Variants in RBKS observed in about 807,000 individuals in gnomAD.
RBKS encodes the protein ribokinase.
In RBKS, 33 loss-of-function variants were observed where a neutral mutation model predicts 33.9. That is an observed-to-expected ratio of 0.97 (90% CI 0.74 to 1.30). The LOEUF is 1.30. RBKS is among the 50% of genes most tolerant of loss of function. The probability of loss-of-function intolerance (pLI) is 0.00; values close to 1 mark genes in which losing one functional copy is unlikely to be tolerated. For missense variants in RBKS, 361 were observed against 392.6 expected (o/e 0.92, Z 0.68); for synonymous variants, 125 against 143.0 (o/e 0.87, Z 0.90).
intron 2 of RBKS, among the ~76,000 whole-genome samples, chr2:27,851,980 G>GA (rs771718268): frequency 8.5e-5 from 13 of 152,208 alleles, no homozygotes; most frequent in Non-Finnish European, 1.8e-4. Context: ...CTTTTGGGTA[G>GA]AAAGATTCTT....
At chr2:27,842,996 T>C (rs1480935849) in intron 5 of RBKS, 71 bp downstream of exon 5, 5 of 1,212,108 alleles carry the variant, frequency 4.1e-6, no homozygotes, top group Non-Finnish European at 4.5e-6. Flanking sequence ...TTTGCTTAAC[T>C]TAAAAGGTTA....
intron 7 of RBKS, among the ~76,000 whole-genome samples, chr2:27,789,900 AGT>A (rs1029819436): frequency 4.7e-4 from 56 of 117,992 alleles, no homozygotes; most frequent in South Asian, 7.7e-4. Flanking sequence ...GTGTGTATAG[AGT>A]GTGTGTGTGT....
intron 7 of RBKS, among the ~76,000 whole-genome samples, chr2:27,801,960 AAAAATAT>A (rs1233598721): frequency 1.5e-5 from 1 of 68,854 alleles, no homozygotes; most frequent in African/African-American, 5.9e-5. Flanking sequence ...GAAAAAAAAA[AAAAATAT>A]ATATATATAT....
chr2:27,851,167 T>C (rs965193219), intron 2 of RBKS, among the ~76,000 whole-genome samples: 1 of 152,230 alleles, frequency 6.6e-6, no homozygotes, highest in African/African-American at 2.4e-5. Context: ...CCACAGAAAA[T>C]TGTTCCTTTC....
chr2:27,805,235 C>T (rs1224849124), intron 7 of RBKS, among the ~76,000 whole-genome samples: 1 of 152,150 alleles, frequency 6.6e-6, no homozygotes, highest in African/African-American at 2.4e-5. Context: ...AGAAAGTTTA[C>T]AAATTTGTGT....
At chr2:27,852,519 T>C (rs1239283890) in intron 2 of RBKS, among the ~76,000 whole-genome samples, 1 of 152,184 alleles carries the variant, frequency 6.6e-6, no homozygotes, top group Non-Finnish European at 1.5e-5. Context: ...TCCAGAACTA[T>C]GACCTGAAGC....
At chr2:27,826,105 T>G (rs753472400) in intron 7 of RBKS, among the ~76,000 whole-genome samples, 8 of 152,188 alleles carry the variant, frequency 5.3e-5, no homozygotes, top group Non-Finnish European at 1.2e-4. Context: ...CAAGCACACT[T>G]TATCAAATAC....
At chr2:27,797,247 C>T (rs184363486) in intron 7 of RBKS, among the ~76,000 whole-genome samples, 83 of 152,304 alleles carry the variant, frequency 5.4e-4, no homozygotes, top group African/African-American at 1.7e-3. Flanking sequence ...AGTGGCATTG[C>T]GCAAGGGTGC....
intron 1 of RBKS, among the ~76,000 whole-genome samples, chr2:27,888,977 T>G (rs1025505970): frequency 6.6e-6 from 1 of 152,232 alleles, no homozygotes; most frequent in Non-Finnish European, 1.5e-5. Flanking sequence ...CTTGGCACAG[T>G]GTCTGACAGA....
At chr2:27,865,251 C>T (rs1217824532) in intron 1 of RBKS, among the ~76,000 whole-genome samples, 2 of 152,108 alleles carry the variant, frequency 1.3e-5, no homozygotes, top group East Asian at 1.9e-4. Flanking sequence ...ACCCAGGAGG[C>T]GGAGGTTGCA....
chr2:27,843,235 TA>T lies in RBKS; in HGVS notation c.350-5del. ...ACTATGACAATGATATTCTGGCCTATAAAGAAATTCCACCTATTATATTAAA... is the reference window on the plus strand; with the variant it reads ...ACTATGACAATGATATTCTGGCCTATAAGAAATTCCACCTATTATATTAAA... On this transcript the variant is annotated splice_polypyrimidine_tract_variant and splice_region_variant and intron_variant, in intron 4 of 7. Coordinates refer to ENST00000302188, the MANE Select transcript of RBKS (RefSeq NM_022128.3). 1 of 1,596,910 alleles carries T rather than the reference TA, an allele frequency of 6.3e-7. No homozygotes were observed. The highest frequency in any genetic ancestry group is 8.5e-7 in the Non-Finnish European group (1 of 1,171,932).
chr2:27,812,889 T>C (rs1325373281), intron 7 of RBKS, among the ~76,000 whole-genome samples: 1 of 150,100 alleles, frequency 6.7e-6, no homozygotes, highest in East Asian at 1.9e-4. Context: ...GAAAAGTGCT[T>C]AGAAAAAAAA....
chr2:27,786,791 AAAAAG>A (rs1200840777), intron 7 of RBKS, among the ~76,000 whole-genome samples: 1,770 of 147,142 alleles, frequency 0.012, 41 homozygotes, highest in African/African-American at 0.041. Context: ...AAAAAAAAAA[AAAAAG>A]AAAGAAAGTT....
At chr2:27,863,076 C>T (rs1380973374) in intron 1 of RBKS, among the ~76,000 whole-genome samples, 1 of 150,744 alleles carries the variant, frequency 6.6e-6, no homozygotes, top group Non-Finnish European at 1.5e-5. Context: ...GAAAAGGAAA[C>T]AGTATTAGTA....
At chr2:27,877,294 T>C (rs1006672012) in intron 1 of RBKS, among the ~76,000 whole-genome samples, 1 of 152,064 alleles carries the variant, frequency 6.6e-6, no homozygotes, top group African/African-American at 2.4e-5. Context: ...AGTTTTTTTT[T>C]TTCCCCTAAG....
chr2:27,809,628 TAGAC>T (rs1677956015), intron 7 of RBKS: 1 of 247,024 alleles, frequency 4.0e-6, no homozygotes, highest in South Asian at 4.7e-5. Context: ...CCCACTATTC[TAGAC>T]AGAAAACAGT....
chr2:27,840,633 C>T (rs1044734681), intron 5 of RBKS, among the ~76,000 whole-genome samples: 18 of 152,054 alleles, frequency 1.2e-4, no homozygotes, highest in African/African-American at 4.1e-4. Flanking sequence ...GCTTAGGCCA[C>T]GTGCTGGACA....
At chr2:27,827,836 T>C in intron 6 of RBKS, 81 bp from the exon 7 acceptor site, 5 of 1,237,594 alleles carry the variant, frequency 4.0e-6, no homozygotes, top group Non-Finnish European at 5.4e-6. Context: ...TTCTAGAAAA[T>C]GTCTCCCTTC....
intron 7 of RBKS, among the ~76,000 whole-genome samples, chr2:27,786,649 G>A (rs1220839353): frequency 6.6e-6 from 1 of 152,170 alleles, no homozygotes; most frequent in Non-Finnish European, 1.5e-5. Context: ...GGGCGTGGTG[G>A]TGGGTGCCTG....
Sources: allele counts gnomAD v4.1 joint callset (sites outside exome capture counted in the v4.1 genomes callset), GRCh38; gene constraint gnomAD v4.1.1; transcripts MANE v1.5; gene names NCBI Gene and HGNC (gene_info 2026-07-23, HGNC 2026-07-21).